Variants in RASGRF2 observed in about 807,000 individuals in gnomAD.
RASGRF2 encodes the protein ras-specific guanine nucleotide-releasing factor 2.
Under a neutral mutation model 151.0 loss-of-function variants are expected in RASGRF2, and 76 were observed. The observed-to-expected ratio is 0.50, with a 90% CI of 0.42 to 0.61. The LOEUF (loss-of-function observed/expected upper bound fraction) is 0.61. Ranked by LOEUF, RASGRF2 falls within the 20% of genes least tolerant of loss-of-function variation. The pLI, the probability that RASGRF2 is intolerant of heterozygous loss-of-function variation, is 0.00. For missense variants in RASGRF2, 1,148 were observed against 1,564.6 expected (o/e 0.73, Z 4.49); for synonymous variants, 504 against 566.5 (o/e 0.89, Z 1.57).
chr5:81,049,310 A>T (rs1436599575), intron 2 of RASGRF2, among the ~76,000 whole-genome samples: 2 of 151,962 alleles, frequency 1.3e-5, no homozygotes, highest in African/African-American at 4.8e-5. Flanking sequence ...ATTTTTCTGT[A>T]TATTTGCATA....
At chr5:81,048,340 A>G (rs994974334) in intron 2 of RASGRF2, among the ~76,000 whole-genome samples, 2 of 150,048 alleles carry the variant, frequency 1.3e-5, no homozygotes, top group South Asian at 2.1e-4. Flanking sequence ...ATTTGCCACA[A>G]TGAAAGATAA....
intron 1 of RASGRF2, among the ~76,000 whole-genome samples, chr5:80,973,381 G>A (rs927177395): frequency 6.6e-6 from 1 of 152,144 alleles, no homozygotes; most frequent in East Asian, 1.9e-4. Context: ...TTCCCTCCTC[G>A]GGTGCTGGGT....
intron 1 of RASGRF2, among the ~76,000 whole-genome samples, chr5:81,035,761 G>T (rs753019998): frequency 3.9e-5 from 6 of 152,148 alleles, no homozygotes; most frequent in Non-Finnish European, 8.8e-5. Flanking sequence ...CGAATGTAAA[G>T]GTGTTGTTAA....
chr5:81,127,310 G>A lies in RASGRF2; in HGVS notation c.2686+147G>A, dbSNP rs900100184. ...AAGCCGAAGCAGAAGGATTGCTTGA[G>A]ACCAGTAGTTTGAGACTAGCCAGGG... On this transcript the variant is annotated intron_variant, in intron 17 of 26. Transcript: ENST00000265080. 2.5e-5 allele frequency: 20 copies of A among 815,514 alleles called. No homozygotes were observed. In the South Asian group the frequency reaches 3.4e-4, roughly 14 times the overall value. The allele number at this position is 815,514 out of a possible 1,614,324, so 50.5% of individuals were successfully genotyped here.
chr5:81,104,048 T>C (rs962811592), intron 12 of RASGRF2, among the ~76,000 whole-genome samples: 6 of 151,916 alleles, frequency 3.9e-5, no homozygotes, highest in Non-Finnish European at 7.4e-5. Context: ...AAAAGAGGAA[T>C]GAAAGAAGGA....
At position 80,994,294 on chromosome 5, in the gene RASGRF2, G is replaced by A. The variant is rs1170218043; in HGVS notation, c.288+33268G>A. On this transcript the variant is annotated intron_variant, in intron 1 of 26. Coordinates refer to ENST00000265080, the MANE Select transcript of RASGRF2 (RefSeq NM_006909.3). ...GGCAGGAGAATGGCGTGAACCTGGG[G>A]GGCCGAGCTTGCAGTGAGCCGAGAT... Among the ~76,000 whole-genome samples the A allele has an allele frequency of 8.6e-5, 13 of 151,294 alleles. No homozygotes were observed. In the South Asian group the frequency reaches 1.3e-3, roughly 15 times the overall value.
chr5:81,042,824 C>A, intron 1 of RASGRF2, 53 bp from the exon 2 acceptor site: 1 of 1,252,866 alleles, frequency 8.0e-7, no homozygotes, highest in Non-Finnish European at 1.1e-6. Flanking sequence ...TGTTATTATG[C>A]TGTTGTGCTT....
intron 1 of RASGRF2, among the ~76,000 whole-genome samples, chr5:80,976,382 G>C (rs924256056): frequency 1.3e-5 from 2 of 152,152 alleles, no homozygotes; most frequent in African/African-American, 2.4e-5. Context: ...AAACCTTTAC[G>C]AAATGGCAAA....
chr5:81,029,082 G>T (rs964378695), intron 1 of RASGRF2, among the ~76,000 whole-genome samples: 1 of 152,228 alleles, frequency 6.6e-6, no homozygotes, highest in Non-Finnish European at 1.5e-5. Flanking sequence ...GGACTGCAAG[G>T]CAGCAGTGAG....
chr5:80,995,399 T>TATATATATATATAC (rs1165966102), intron 1 of RASGRF2, among the ~76,000 whole-genome samples: 2 of 119,780 alleles, frequency 1.7e-5, no homozygotes, highest in African/African-American at 6.5e-5. Context: ...TATATATATA[T>TATATATATATATAC]ACACACACAC....
At chr5:81,172,500 G>A (rs1218561924) in intron 17 of RASGRF2, among the ~76,000 whole-genome samples, 1 of 151,362 alleles carries the variant, frequency 6.6e-6, no homozygotes, top group Non-Finnish European at 1.5e-5. Flanking sequence ...ACTGCACTTA[G>A]AGAAAATCTC....
intron 1 of RASGRF2, among the ~76,000 whole-genome samples, chr5:80,980,973 C>T (rs56204289): frequency 0.27 from 41,226 of 151,984 alleles, 5,992 homozygotes; most frequent in Middle Eastern, 0.43. Flanking sequence ...CTGCCAATAA[C>T]ATCATGGTAA....
At chr5:81,037,091 A>C (rs764589868) in intron 1 of RASGRF2, among the ~76,000 whole-genome samples, 6 of 152,134 alleles carry the variant, frequency 3.9e-5, no homozygotes, top group Non-Finnish European at 7.3e-5. Context: ...CCCATTTACA[A>C]AACTATCAGA....
chr5:81,195,741 CT>C (rs1755250642), intron 18 of RASGRF2, among the ~76,000 whole-genome samples: 1 of 152,168 alleles, frequency 6.6e-6, no homozygotes, highest in Non-Finnish European at 1.5e-5. Context: ...GCCACAACCC[CT>C]AGTGAGCCCT....
chr5:81,063,366 C>T (rs960316969), intron 2 of RASGRF2, among the ~76,000 whole-genome samples: 2 of 152,032 alleles, frequency 1.3e-5, no homozygotes, highest in Non-Finnish European at 2.9e-5. Context: ...CCTGCCTCAG[C>T]CTCCCAAGTA....
chr5:81,073,175 C>T, intron 4 of RASGRF2, 24 bp from the exon 5 acceptor site: 2 of 1,600,112 alleles, frequency 1.2e-6, no homozygotes, highest in Non-Finnish European at 8.5e-7. Flanking sequence ...TAGTCAGATT[C>T]CTTTCTGATT....
Position 81,113,699 on chromosome 5 carries a change from C to T in RASGRF2, c.2249C>T (p.Pro750Leu). 3.1e-6 allele frequency: 5 copies of T among 1,613,274 alleles called. No homozygotes were observed. Among genetic ancestry groups the T allele is most frequent in the Non-Finnish European group, 4.2e-6 (5 of 1,179,202 alleles). Reference protein sequence around the residue: ...VRARKLSLTSPLNSKIGALDL... With the variant: ...VRARKLSLTSLLNSKIGALDL... ...GCCAGAAAGCTGTCTTTGACTTCTC[C>T]CTTGAACTCAAAGATAGGAGCATTG... The change falls in exon 15 of 27, where the codon CCC becomes CTC. Residue 750 changes from proline to leucine, a missense_variant. By Grantham distance (98) the Pro-to-Leu change is moderately conservative. Around this residue, in one of 5 missense-constraint regions of RASGRF2, gnomAD observed 646 missense variants for 807.4 expected, o/e 0.80. Transcript: ENST00000265080.
Position 81,040,313 on chromosome 5 carries a change from T to A in RASGRF2, c.289-2564T>A, listed in dbSNP as rs564111762. 2.9e-3 allele frequency among the ~76,000 whole-genome samples: 441 copies of A among 152,326 alleles called. 4 individuals are homozygous for A. Among genetic ancestry groups the A allele is most frequent in the African/African-American group, 6.1e-3 (254 of 41,578 alleles). ...TGTGAGCCACCATGCTTAATTTATT[T>A]TTTTAAGTGACTTGATACTATTCCT... is the stretch of plus-strand genomic sequence containing the variant. On this transcript the variant is annotated intron_variant, in intron 1 of 26. Transcript: ENST00000265080.
At chr5:81,140,522 G>A (rs947483805) in intron 17 of RASGRF2, among the ~76,000 whole-genome samples, 2 of 151,584 alleles carry the variant, frequency 1.3e-5, no homozygotes, top group African/African-American at 2.4e-5. Flanking sequence ...TTTCACTGGT[G>A]TGAGTACACT....
Sources: gnomAD v4.1 joint callset for allele counts (sites outside exome capture counted in the v4.1 genomes callset) on GRCh38, gnomAD v4.1.1 for gene constraint, gnomAD v4.1.1 regional missense constraint, MANE v1.5 for transcripts, NCBI Gene and HGNC (gene_info 2026-07-23, HGNC 2026-07-21) for gene names.